BAIAP3: variants seen among roughly 807,000 people sequenced by gnomAD.
BAIAP3 encodes BAI1-associated protein 3.
A neutral mutation model predicts 149.7 loss-of-function variants in BAIAP3; 180 were observed. The ratio of observed to expected loss-of-function variants is 1.20; its 90% confidence interval spans 1.07 to 1.36. BAIAP3 has a LOEUF of 1.36. Among genes scored for constraint, BAIAP3 ranks in the 40% most tolerant of loss-of-function variants. The pLI, the probability that BAIAP3 is intolerant of heterozygous loss-of-function variation, is 0.00. For missense variants in BAIAP3, 1,767 were observed against 1,563.4 expected (o/e 1.13, Z -2.20); for synonymous variants, 845 against 670.7 (o/e 1.26, Z -4.02).
At position 1,334,605 on chromosome 16, in the gene BAIAP3, G is replaced by A. The variant is rs556906301; in HGVS notation, c.-11+856G>A. The stretch of plus-strand genomic sequence containing the variant: ...CTTGGCAGCCGTCTGAGGCTTCGGG[G>A]AGCCCAAGGCCACCGGCAGCGCTTG... On this transcript the variant is annotated intron_variant, in intron 1 of 33. Coordinates refer to ENST00000426824, the MANE Select transcript of BAIAP3 (RefSeq NM_001199097.2). 1.2e-3 allele frequency: 1,744 copies of A among 1,498,012 alleles called. 29 individuals are homozygous for A. The South Asian group carries it at 0.016, about 14-fold the overall frequency. 92.8% of individuals were successfully genotyped at this position (1,498,012 alleles called of 1,614,324 possible).
In BAIAP3 at chr16:1,338,632, A is replaced by G. The variant is rs755816292; in HGVS notation, c.83A>G (p.Asp28Gly). Residue 28 changes from aspartate (D) to glycine (G), a missense_variant, in exon 2 of 34, where the codon GAC (aspartate) becomes GGC (glycine). By Grantham distance (94) the Asp-to-Gly change is moderately conservative (BLOSUM62 -1). Transcript: ENST00000426824. ...CPSFRRRTEQ[D>G]PGSASADPQE... Reference sequence around the variant, plus strand: ...TCCTTCCGCCGCAGGACTGAGCAGGACCCAGGGAGTGCCAGCGCCGACCCG... The same window carrying G: ...TCCTTCCGCCGCAGGACTGAGCAGGGCCCAGGGAGTGCCAGCGCCGACCCG... 1.9e-6 allele frequency: 3 copies of G among 1,600,346 alleles called. No individual in the cohort carries two copies. The highest frequency in any genetic ancestry group is 2.6e-6 in the Non-Finnish European group (3 of 1,174,784).
chr16:1,348,019 T>C lies in BAIAP3; in HGVS notation c.3149+2T>C, dbSNP rs771509371. The C allele has an allele frequency of 1.6e-5, 25 of 1,607,460 alleles. No homozygotes were observed. The African/African-American group carries it at 2.9e-4, about 19-fold the overall frequency. On this transcript the variant is annotated splice_donor_variant, in intron 32 of 33. Transcript: ENST00000426824. LOFTEE classifies it high-confidence loss of function. ...TGTATACGACGAACTCTTCTACTTG[T>C]GAGTGTCCTAAGCCCCAGCCCCAGC...
chr16:1,347,006 T>C (rs1490729456), intron 28 of BAIAP3, 51 bp downstream of exon 28: 12 of 1,496,368 alleles, frequency 8.0e-6, no homozygotes, highest in South Asian at 1.2e-5. Context: ...TCAGGGCTGC[T>C]CTGATCCCTC....
At chr16:1,345,228 C>T (rs765775880) in intron 21 of BAIAP3, 21 bp from the exon 22 acceptor site, 1 of 1,611,980 alleles carries the variant, frequency 6.2e-7, no homozygotes, top group Non-Finnish European at 8.5e-7. Context: ...GGGCCGAGCC[C>T]TCACAACCCT....
Position 1,346,524 on chromosome 16 carries a change from C to T in BAIAP3, c.2562+14C>T, listed in dbSNP as rs369130924. The T allele has an allele frequency of 1.1e-4, 175 of 1,604,980 alleles. No homozygotes were observed. The highest frequency in any genetic ancestry group is 3.3e-4 in the Middle Eastern group (2 of 6,072). ...CAGAACGATGAGGTGAGTGCCGGGG[C>T]GAGGGGCCGTGGAGGACTGTGTGTA... On this transcript the variant is annotated intron_variant, in intron 26 of 33. Coordinates refer to ENST00000426824, the MANE Select transcript of BAIAP3 (RefSeq NM_001199097.2).
chr16:1,334,562 G>A (rs2033337700), intron 1 of BAIAP3: 2 of 1,150,688 alleles, frequency 1.7e-6, no homozygotes, highest in South Asian at 2.8e-5. Flanking sequence ...CGCTCCTGCT[G>A]GGCGCCAGCG....
chr16:1,347,717 A>G lies in BAIAP3; in HGVS notation c.2921A>G (p.Asn974Ser), dbSNP rs758878821. Residue 974 changes from asparagine (N) to serine (S), a missense_variant, in exon 31 of 34, where the codon AAC (asparagine) becomes AGC (serine). Transcript: ENST00000426824. ...TTTCCGCAGAGGACCCTGGAGCAGA[A>G]CCGGTTTGGACGCCTGAGCGTCCGT... ...DKLKQRTLEQ[N>S]RFGRLSVRCH... 2 of 1,610,004 alleles carry G rather than the reference A, an allele frequency of 1.2e-6. No individual in the cohort carries two copies. The highest frequency in any genetic ancestry group is 3.3e-5 in the Admixed American group (2 of 59,938).
rs373531765 is a variant in BAIAP3, at chr16:1,342,669, G to C, written c.1065+35G>C. On this transcript the variant is annotated intron_variant, in intron 12 of 33. Coordinates refer to ENST00000426824, the MANE Select transcript of BAIAP3 (RefSeq NM_001199097.2). Reference sequence around the variant, plus strand: ...GTGGGCGTCCCCGTCCTCCACCCCCGTCCTTGGGGCGGGGGCAGAGCTGGT... The same window carrying C: ...GTGGGCGTCCCCGTCCTCCACCCCCCTCCTTGGGGCGGGGGCAGAGCTGGT... 471 of 1,609,396 alleles carry C rather than the reference G, an allele frequency of 2.9e-4. 3 individuals are homozygous for C. The South Asian group carries it at 5.0e-3, about 17-fold the overall frequency.
At position 1,346,324 on chromosome 16, in the gene BAIAP3, G is replaced by T. The variant is rs111937079; in HGVS notation, c.2456G>T (p.Arg819Leu). The change falls in exon 25 of 34, where the codon CGG (arginine) becomes CTG (leucine). Residue 819 changes from arginine to leucine, a missense_variant. Physicochemically the swap from Arg to Leu is moderately radical, Grantham distance 102. Coordinates refer to ENST00000426824, the MANE Select transcript of BAIAP3 (RefSeq NM_001199097.2). ...CAGGCCCTGGACGATGATCTGCAAC[G>T]GGAGGCCCACACGGTGACAGCGCAC... is the stretch of plus-strand genomic sequence containing the variant. ...CTQALDDDLQ[R>L]EAHTVTAHLT... 1 of 1,603,928 alleles carries T rather than the reference G, an allele frequency of 6.2e-7. No individual in the cohort carries two copies.
chr16:1,348,448 A>AGGAGCTGG lies in BAIAP3; in HGVS notation c.3426_3433dup (p.Glu1145GlyfsTer28). The AGGAGCTGG allele has an allele frequency of 1.2e-6, 2 of 1,612,350 alleles. No individual in the cohort carries two copies. Among genetic ancestry groups the AGGAGCTGG allele is most frequent in the Non-Finnish European group, 1.7e-6 (2 of 1,179,704 alleles). On this transcript the variant is annotated frameshift_variant, in exon 34 of 34. Transcript: ENST00000426824. LOFTEE classifies it high-confidence loss of function. The stretch of plus-strand genomic sequence containing the variant: ...GCGCAGGAGTTCGTGAAGAAACTCA[A>AGGAGCTGG]GGAGCTGGAGAAGTGCATGGAGGCG...
chr16:1,346,079 G>A lies in BAIAP3; in HGVS notation c.2301+1G>A. The A allele has an allele frequency of 1.2e-6, 2 of 1,610,184 alleles. No individual in the cohort carries two copies. Among genetic ancestry groups the A allele is most frequent in the Non-Finnish European group, 1.7e-6 (2 of 1,179,054 alleles). On this transcript the variant is annotated splice_donor_variant, in intron 24 of 33. Transcript: ENST00000426824. LOFTEE classifies it high-confidence loss of function. The stretch of plus-strand genomic sequence containing the variant: ...GGCCGGTGAAGCAGTGAGCGAGGCG[G>A]TGAGTGACCAGCTGGGGAGGGGAGC...
At chr16:1,336,602 C>T (rs12595864) in intron 1 of BAIAP3, among the ~76,000 whole-genome samples, 62,639 of 152,008 alleles carry the variant, frequency 0.41, 13,856 homozygotes, top group East Asian at 0.78. Flanking sequence ...CCTGAACCCC[C>T]ACAGACACAG....
intron 29 of BAIAP3, 50 bp from the exon 30 acceptor site, chr16:1,347,495 C>G (rs561288033): frequency 6.5e-7 from 1 of 1,550,358 alleles, no homozygotes; most frequent in African/African-American, 1.5e-5. Flanking sequence ...CAAGTGCCAG[C>G]GCTGACCACC....
At position 1,348,187 on chromosome 16, in the gene BAIAP3, G is replaced by A. The variant is rs1235863354; in HGVS notation, c.3241G>A (p.Gly1081Arg). ...CTGGCTGTCCACCAACGACTTCGCT[G>A]GGGAGGCGGCCCTCGGCCTAGGTGG... The part of the protein sequence containing the change: ...HDWLSTNDFA[G>R]EAALGLGGVT... The change falls in exon 33 of 34, where the codon GGG becomes AGG. Residue 1081 changes from glycine to arginine, a missense_variant. Gly to Arg is a moderately radical substitution (Grantham distance 125). Coordinates refer to ENST00000426824, the MANE Select transcript of BAIAP3 (RefSeq NM_001199097.2). 4.4e-6 allele frequency: 7 copies of A among 1,609,182 alleles called. No individual in the cohort carries two copies. Among genetic ancestry groups the A allele is most frequent in the Non-Finnish European group, 5.9e-6 (7 of 1,179,708 alleles).
chr16:1,339,735 C>T (rs1471370874), intron 5 of BAIAP3, 132 bp downstream of exon 5: 3 of 686,980 alleles, frequency 4.4e-6, no homozygotes, highest in Non-Finnish European at 7.4e-6. Flanking sequence ...ACAGAGACGG[C>T]TGCAGGTGCA....
Position 1,337,079 on chromosome 16 carries a change from G to A in BAIAP3, c.-10-1461G>A, listed in dbSNP as rs922318521. On this transcript the variant is annotated intron_variant, in intron 1 of 33. Coordinates refer to ENST00000426824, the MANE Select transcript of BAIAP3 (RefSeq NM_001199097.2). ...GGAGGAGACCTCCCTGGGGCTGCTG[G>A]GGGGCAGAGGCAGTGCAGAGGTGGA... is the stretch of plus-strand genomic sequence containing the variant. Among the ~76,000 whole-genome samples the A allele has an allele frequency of 4.6e-5, 7 of 152,304 alleles. 1 individual carries two copies. The highest frequency in any genetic ancestry group is 6.8e-3 in the Middle Eastern group (2 of 294).
chr16:1,348,514 C>T lies in BAIAP3; in HGVS notation c.*32C>T, dbSNP rs1317943382. ...CAGCTGCCAGCCCCGGCCCTGGCCC[C>T]CACCCCAAGTTCCCTGAAGCATCCT... is the stretch of plus-strand genomic sequence containing the variant. On this transcript the variant is annotated 3_prime_UTR_variant, in exon 34 of 34. Coordinates refer to ENST00000426824, the MANE Select transcript of BAIAP3 (RefSeq NM_001199097.2). 6.4e-7 allele frequency: 1 copy of T among 1,571,938 alleles called. No homozygotes were observed. Among genetic ancestry groups the T allele is most frequent in the African/African-American group, 1.4e-5 (1 of 73,674 alleles).
intron 1 of BAIAP3, among the ~76,000 whole-genome samples, chr16:1,335,907 C>G (rs2033419947): frequency 6.6e-6 from 1 of 152,222 alleles, no homozygotes; most frequent in Admixed American, 6.5e-5. Context: ...GCTCCCAGCC[C>G]TGCGCCTCCG....
intron 2 of BAIAP3, 103 bp from the exon 3 acceptor site, chr16:1,338,799 C>T: frequency 6.3e-7 from 1 of 1,582,030 alleles, no homozygotes; most frequent in Non-Finnish European, 8.6e-7. Flanking sequence ...GTTAGCTGTG[C>T]CACACTGTGG....
Sources: gnomAD v4.1 joint callset for allele counts (sites outside exome capture counted in the v4.1 genomes callset) on GRCh38, gnomAD v4.1.1 for gene constraint, MANE v1.5 for transcripts, NCBI Gene and HGNC (gene_info 2026-07-23, HGNC 2026-07-21) for gene names.